Variants in WWTR1 observed in about 807,000 individuals in gnomAD.
WWTR1 encodes the protein WW domain-containing transcription regulator protein 1.
A neutral mutation model predicts 40.1 loss-of-function variants in WWTR1; 13 were observed. The observed-to-expected ratio is 0.32, with a 90% confidence interval of 0.21 to 0.52. The LOEUF (loss-of-function observed/expected upper bound fraction) is 0.52. WWTR1 is among the 20% of genes least tolerant of loss of function. The pLI is 0.97. For missense variants in WWTR1, 436 were observed against 523.1 expected (o/e 0.83, Z 1.63); for synonymous variants, 230 against 210.1 (o/e 1.09, Z -0.82).
chr3:149,711,134 C>G (rs1715468225), intron 5 of WWTR1, among the ~76,000 whole-genome samples: 1 of 135,736 alleles, frequency 7.4e-6, no homozygotes, highest in South Asian at 2.4e-4. Context: ...GAAGAGGAGA[C>G]AGAAGCGTAG....
chr3:149,613,428 G>T (rs1739821156), intron 2 of WWTR1, among the ~76,000 whole-genome samples: 1 of 152,238 alleles, frequency 6.6e-6, no homozygotes, highest in African/African-American at 2.4e-5. Flanking sequence ...CAAGATGAAG[G>T]GTAAAAGCTT....
intron 2 of WWTR1, among the ~76,000 whole-genome samples, chr3:149,664,713 C>T (rs1031722337): frequency 1.2e-4 from 18 of 151,948 alleles, no homozygotes; most frequent in African/African-American, 3.6e-4. Flanking sequence ...CTCAGCCTCC[C>T]GAGTAGCTGG....
chr3:149,578,004 T>A (rs1576574350), intron 2 of WWTR1, among the ~76,000 whole-genome samples: 1 of 90,738 alleles, frequency 1.1e-5, no homozygotes, highest in Non-Finnish European at 2.1e-5. Context: ...CCTTCCTCCT[T>A]CCCTCCCCCC....
intron 2 of WWTR1, among the ~76,000 whole-genome samples, chr3:149,629,846 C>G (rs1295020028): frequency 6.6e-6 from 1 of 151,906 alleles, no homozygotes. Context: ...TAGGGAAAAA[C>G]TTGAAGGGTA....
chr3:149,520,011 C>T lies in WWTR1; in HGVS notation c.*794G>A, dbSNP rs1234601302. ...TTCTAAGCTGCAATTTTTTAAATCC[C>T]CAGTTGTAATATTTCAAAAACTTTT... On this transcript the variant is annotated 3_prime_UTR_variant, in exon 7 of 7. Transcript: ENST00000360632. 6.6e-6 allele frequency: 1 copy of T among 151,754 alleles called. No individual in the cohort carries two copies. The highest frequency in any genetic ancestry group is 6.6e-5 in the Admixed American group (1 of 15,232). 9.4% of individuals were successfully genotyped at this position (151,754 alleles called of 1,614,324 possible). A position where few individuals can be genotyped will look rare whatever the true frequency, so the allele number is the denominator to read the frequency against.
In WWTR1 at chr3:149,527,894, T is replaced by C. The variant is rs2107909314; in HGVS notation, c.847A>G (p.Thr283Ala). Reference protein sequence around the residue: ...APVQAAVNPPTMTPDMRSITN... With the variant: ...APVQAAVNPPAMTPDMRSITN... ...ATGGATCTCATGTCTGGGGTCATCG[T>C]GGGTGGGTTGACAGCAGCCTGAACT... Residue 283 changes from threonine (T) to alanine (A), a missense_variant, in exon 5 of 7, where the codon ACG becomes GCG. Thr to Ala is a moderately conservative substitution (Grantham distance 58). Transcript: ENST00000360632. The C allele has an allele frequency of 6.2e-7, 1 of 1,614,192 alleles. No homozygotes were observed. Among genetic ancestry groups the C allele is most frequent in the Non-Finnish European group, 8.5e-7 (1 of 1,180,026 alleles).
chr3:149,543,998 G>C (rs1736256145), intron 3 of WWTR1, among the ~76,000 whole-genome samples: 1 of 151,504 alleles, frequency 6.6e-6, no homozygotes, highest in East Asian at 1.9e-4. Context: ...GAATTCCTGG[G>C]CTCAAGCAAT....
intron 2 of WWTR1, among the ~76,000 whole-genome samples, chr3:149,641,467 T>C (rs550759336): frequency 6.6e-6 from 1 of 152,358 alleles, no homozygotes; most frequent in East Asian, 1.9e-4. Context: ...AGCTGGACAT[T>C]CCAATGCATG....
intron 1 of WWTR1, among the ~76,000 whole-genome samples, chr3:149,672,639 T>C (rs987133922): frequency 6.6e-6 from 1 of 152,142 alleles, no homozygotes; most frequent in African/African-American, 2.4e-5. Context: ...ATAAGATGAA[T>C]GGGACTATTT....
At chr3:149,654,960 A>G (rs1713111007) in intron 2 of WWTR1, among the ~76,000 whole-genome samples, 1 of 128,268 alleles carries the variant, frequency 7.8e-6, no homozygotes, top group Admixed American at 7.5e-5. Context: ...CGTCTCTACT[A>G]AAAAAAATAC....
At chr3:149,635,234 C>T (rs1489005173) in intron 2 of WWTR1, among the ~76,000 whole-genome samples, 25 of 152,112 alleles carry the variant, frequency 1.6e-4, no homozygotes, top group Admixed American at 1.6e-3. Context: ...AGTAATTGGA[C>T]TTGTTTGATC....
At chr3:149,698,591 C>G (rs1418037406) in intron 1 of WWTR1, among the ~76,000 whole-genome samples, 1 of 152,212 alleles carries the variant, frequency 6.6e-6, no homozygotes. Context: ...ATCCACATCT[C>G]CCCTAGGCAT....
At chr3:149,594,949 A>AC (rs1738915630) in intron 2 of WWTR1, among the ~76,000 whole-genome samples, 6 of 52,922 alleles carry the variant, frequency 1.1e-4, no homozygotes, top group South Asian at 5.1e-4. Flanking sequence ...CCTCTTTTTT[A>AC]CTTTTTTTTT....
exon 5 of WWTR1, chr3:149,717,555 G>C (rs1715643907): frequency 6.6e-6 from 1 of 152,182 alleles, no homozygotes; most frequent in South Asian, 2.1e-4. Context: ...AGCAAATCCA[G>C]AGGAGAAAAT....
intron 1 of WWTR1, among the ~76,000 whole-genome samples, chr3:149,674,307 G>C (rs1472211527): frequency 1.3e-5 from 2 of 151,872 alleles, no homozygotes; most frequent in East Asian, 3.9e-4. Context: ...AAAATTGTAG[G>C]CCCAGGCATG....
intron 2 of WWTR1, among the ~76,000 whole-genome samples, chr3:149,634,164 G>C (rs745912807): frequency 2.6e-5 from 4 of 152,186 alleles, no homozygotes; most frequent in Non-Finnish European, 5.9e-5. Context: ...GGGAAAAGGA[G>C]AGCCAGGGTG....
At chr3:149,549,088 C>T (rs762667216) in intron 3 of WWTR1, among the ~76,000 whole-genome samples, 1 of 152,182 alleles carries the variant, frequency 6.6e-6, no homozygotes, top group Non-Finnish European at 1.5e-5. Flanking sequence ...AGACAAATCT[C>T]CCTTACAGAG....
intron 2 of WWTR1, among the ~76,000 whole-genome samples, chr3:149,629,675 TA>T (rs1469204993): frequency 1.3e-5 from 2 of 152,208 alleles, no homozygotes; most frequent in Non-Finnish European, 2.9e-5. Flanking sequence ...CAACTGGCAC[TA>T]AATGAGTATT....
chr3:149,612,919 G>C (rs1739801329), intron 2 of WWTR1, among the ~76,000 whole-genome samples: 1 of 151,962 alleles, frequency 6.6e-6, no homozygotes, highest in Admixed American at 6.6e-5. Flanking sequence ...TCCTTTACCT[G>C]CTTGCTTTAC....
Sources: allele counts gnomAD v4.1 joint callset (sites outside exome capture counted in the v4.1 genomes callset), GRCh38; gene constraint gnomAD v4.1.1; transcripts MANE v1.5; gene names NCBI Gene and HGNC (gene_info 2026-07-23, HGNC 2026-07-21).